The following NINJ2 variants were observed in gnomAD, a reference collection of about 807,000 sequenced individuals.
The protein encoded by NINJ2 is ninjurin-2.
NINJ2 carries 12 observed loss-of-function variants against 11.7 expected under a neutral mutation model. The observed-to-expected ratio is 1.02, with a 90% CI of 0.66 to 1.66. The LOEUF is 1.66. Ranked by LOEUF, NINJ2 falls within the 40% of genes most tolerant of loss-of-function variation. NINJ2 has a pLI of 0.00. For missense variants in NINJ2, 187 were observed against 181.8 expected, an observed-to-expected ratio of 1.03 and a Z score of -0.16; for synonymous variants, 93 against 76.8, an observed-to-expected ratio of 1.21 and a Z score of -1.10.
chr12:635,772 A>G (rs1948344451), intron 1 of NINJ2, among the ~76,000 whole-genome samples: 1 of 152,220 alleles, frequency 6.6e-6, no homozygotes, highest in Non-Finnish European at 1.5e-5. Flanking sequence ...ACCAAAGGAC[A>G]CTATTAAAAG....
chr12:649,604 TTTTC>T (rs1937758013), intron 1 of NINJ2, among the ~76,000 whole-genome samples: 1 of 147,920 alleles, frequency 6.8e-6, no homozygotes, highest in Non-Finnish European at 1.5e-5. Flanking sequence ...GCTTCTCTAA[TTTTC>T]TTTTTTAAAC....
intron 1 of NINJ2, among the ~76,000 whole-genome samples, chr12:639,986 G>T (rs974399502): frequency 6.6e-6 from 1 of 152,230 alleles, no homozygotes; most frequent in African/African-American, 2.4e-5. Context: ...CCTTGCCCAG[G>T]CCCAGGCCCC....
chr12:597,578 A>T (rs1006704601), intron 1 of NINJ2, among the ~76,000 whole-genome samples: 1 of 152,274 alleles, frequency 6.6e-6, no homozygotes, highest in Non-Finnish European at 1.5e-5. Context: ...TTCATGTTAC[A>T]TAAAACCAAG....
chr12:593,481 G>C (rs891658893), intron 1 of NINJ2, among the ~76,000 whole-genome samples: 1 of 152,180 alleles, frequency 6.6e-6, no homozygotes, highest in Non-Finnish European at 1.5e-5. Flanking sequence ...ACTGTGGGAC[G>C]CTGAGGTAGG....
chr12:601,668 A>G (rs1010950743), intron 1 of NINJ2, among the ~76,000 whole-genome samples: 1 of 152,186 alleles, frequency 6.6e-6, no homozygotes, highest in Non-Finnish European at 1.5e-5. Flanking sequence ...GTTTGAGACC[A>G]GCCTGGCCAA....
chr12:579,773 A>T (rs1947521160), intron 1 of NINJ2, among the ~76,000 whole-genome samples: 1 of 152,118 alleles, frequency 6.6e-6, no homozygotes, highest in East Asian at 1.9e-4. Flanking sequence ...TTTCCCTTTA[A>T]ATATTGAAAT....
chr12:634,265 C>CTTTTTTTTT lies in NINJ2; in HGVS notation c.33+29054_33+29062dup, dbSNP rs67797144. Among the ~76,000 whole-genome samples, 73 of 59,526 alleles carry CTTTTTTTTT rather than the reference C, an allele frequency of 1.2e-3. 20 individuals carry two copies. In the East Asian group the frequency reaches 0.045, roughly 37 times the overall value. The allele number at this position is 59,526 out of a possible 152,430, so 39.1% of individuals were successfully genotyped here. On this transcript the variant is annotated intron_variant, in intron 1 of 3. Transcript: ENST00000305108. ...AAATAAATGTTGATTAGTTGCAGTT[C>CTTTTTTTTT]TTTTTTTTTTTTTTTTTTTTTTTTT...
chr12:583,943 T>G (rs1013216619), intron 1 of NINJ2, among the ~76,000 whole-genome samples: 1 of 152,216 alleles, frequency 6.6e-6, no homozygotes, highest in Non-Finnish European at 1.5e-5. Flanking sequence ...TAGATCAATC[T>G]GATAGGGTGC....
intron 1 of NINJ2, among the ~76,000 whole-genome samples, chr12:569,335 G>A (rs1947346050): frequency 6.6e-6 from 1 of 152,196 alleles, no homozygotes. Flanking sequence ...TTTGGTGAAG[G>A]TTTGTCCTCG....
At chr12:579,568 C>A (rs374133478) in intron 1 of NINJ2, among the ~76,000 whole-genome samples, 30 of 152,300 alleles carry the variant, frequency 2.0e-4, no homozygotes, top group African/African-American at 7.2e-4. Context: ...AGTCATTTCA[C>A]ATGCTTACTT....
intron 1 of NINJ2, among the ~76,000 whole-genome samples, chr12:649,012 A>G (rs1374711820): frequency 6.0e-5 from 9 of 151,090 alleles, no homozygotes; most frequent in Non-Finnish European, 1.3e-4. Flanking sequence ...CTATCTATCT[A>G]TCTATCTATC....
intron 1 of NINJ2, among the ~76,000 whole-genome samples, chr12:622,929 C>A (rs1488851297): frequency 6.6e-6 from 1 of 152,120 alleles, no homozygotes; most frequent in East Asian, 1.9e-4. Flanking sequence ...TGGGTTGCTT[C>A]AAACAAGTTT....
At chr12:566,749 C>G (rs919135930) in intron 1 of NINJ2, among the ~76,000 whole-genome samples, 2 of 152,240 alleles carry the variant, frequency 1.3e-5, no homozygotes, top group Non-Finnish European at 2.9e-5. Context: ...GACACAGGCT[C>G]TCAGCATACA....
At chr12:658,383 A>G (rs1937902069) in intron 1 of NINJ2, among the ~76,000 whole-genome samples, 1 of 152,184 alleles carries the variant, frequency 6.6e-6, no homozygotes, top group African/African-American at 2.4e-5. Context: ...GAATAAAATA[A>G]ACAGTAGTAC....
intron 1 of NINJ2, among the ~76,000 whole-genome samples, chr12:617,987 G>C (rs1381029422): frequency 1.3e-5 from 2 of 151,838 alleles, no homozygotes; most frequent in Non-Finnish European, 2.9e-5. Flanking sequence ...AGTGAATAAC[G>C]TACTCTGGTG....
chr12:650,570 G>T (rs1211703026), intron 1 of NINJ2, among the ~76,000 whole-genome samples: 1 of 152,074 alleles, frequency 6.6e-6, no homozygotes, highest in Non-Finnish European at 1.5e-5. Flanking sequence ...GTGGTGGCGG[G>T]TGCCTGTAGT....
intron 3 of NINJ2, 94 bp downstream of exon 3, chr12:565,123 G>A (rs910352335): frequency 1.5e-5 from 16 of 1,032,752 alleles, no homozygotes; most frequent in Non-Finnish European, 1.8e-5. Flanking sequence ...CCCTTTGTTT[G>A]GCAAGGGATC....
intron 1 of NINJ2, among the ~76,000 whole-genome samples, chr12:629,776 A>T (rs1948249815): frequency 6.7e-6 from 1 of 149,672 alleles, no homozygotes; most frequent in African/African-American, 2.5e-5. Flanking sequence ...AATCCCAGCT[A>T]CTCAGGAGAC....
chr12:650,534 C>A (rs1565649061), intron 1 of NINJ2, among the ~76,000 whole-genome samples: 1 of 152,064 alleles, frequency 6.6e-6, no homozygotes, highest in Non-Finnish European at 1.5e-5. Flanking sequence ...CCTGTCTCTT[C>A]CAAAAATTAC....
Sources: gnomAD v4.1 joint callset for allele counts (sites outside exome capture counted in the v4.1 genomes callset) on GRCh38, gnomAD v4.1.1 for gene constraint, MANE v1.5 for transcripts, NCBI Gene and HGNC (gene_info 2026-07-23, HGNC 2026-07-21) for gene names.